SLC39A8: variants seen among roughly 807,000 people sequenced by gnomAD.
SLC39A8 encodes metal cation symporter ZIP8.
Under a neutral mutation model 40.4 loss-of-function variants are expected in SLC39A8, and 15 were observed. The ratio of observed to expected loss-of-function variants is 0.37; its 90% CI spans 0.25 to 0.57. SLC39A8 has a LOEUF of 0.57. Ranked by LOEUF, SLC39A8 falls within the 20% of genes least tolerant of loss-of-function variation. SLC39A8 has a pLI of 0.75. For synonymous variants in SLC39A8, 223 were observed against 221.6 expected (o/e 1.01, Z -0.06); for missense variants, 472 against 558.8 (o/e 0.84, Z 1.57).
chr4:102,309,191 G>C (rs1050547830), intron 3 of SLC39A8, among the ~76,000 whole-genome samples: 3 of 151,854 alleles, frequency 2.0e-5, no homozygotes, highest in Non-Finnish European at 4.4e-5. Flanking sequence ...CCTAGATGAC[G>C]TGGACCAAAC....
downstream of SLC39A8, among the ~76,000 whole-genome samples, chr4:102,261,093 A>G (rs535247076): frequency 7.2e-5 from 11 of 152,134 alleles, no homozygotes; most frequent in South Asian, 8.3e-4. Context: ...TATGGAAGGC[A>G]AAGTATCAGT....
chr4:102,298,993 A>G (rs549352875), intron 6 of SLC39A8, among the ~76,000 whole-genome samples: 1 of 148,564 alleles, frequency 6.7e-6, no homozygotes, highest in East Asian at 2.0e-4. Context: ...GCCACCCCAA[A>G]TGATGACTGG....
At chr4:102,307,040 CA>C (rs1284724544) in intron 4 of SLC39A8, among the ~76,000 whole-genome samples, 1 of 151,984 alleles carries the variant, frequency 6.6e-6, no homozygotes, top group East Asian at 1.9e-4. Flanking sequence ...ATGTTAAATA[CA>C]TTATAAATTT....
chr4:102,269,818 T>C (rs964970262), intron 6 of SLC39A8: 1 of 152,212 alleles, frequency 6.6e-6, no homozygotes, highest in Non-Finnish European at 1.5e-5. Flanking sequence ...TGAGTAAGTA[T>C]CAAATCTTTT....
chr4:102,306,040 G>C (rs1734157629), intron 4 of SLC39A8, among the ~76,000 whole-genome samples: 1 of 151,954 alleles, frequency 6.6e-6, no homozygotes, highest in East Asian at 1.9e-4. Flanking sequence ...AAATATAAAT[G>C]TTCCATTTAC....
At chr4:102,278,702 C>T (rs1453997315) in intron 6 of SLC39A8, among the ~76,000 whole-genome samples, 2 of 152,118 alleles carry the variant, frequency 1.3e-5, no homozygotes, top group Admixed American at 1.3e-4. Context: ...ATGTTTACTG[C>T]TGCACTATTT....
intron 2 of SLC39A8, among the ~76,000 whole-genome samples, chr4:102,343,950 T>C (rs927728673): frequency 1.3e-5 from 2 of 152,214 alleles, no homozygotes; most frequent in Non-Finnish European, 2.9e-5. Flanking sequence ...GAATGCCTCA[T>C]GTAATGTACA....
chr4:102,319,254 G>A (rs1351352865), intron 2 of SLC39A8, among the ~76,000 whole-genome samples: 1 of 152,158 alleles, frequency 6.6e-6, no homozygotes, highest in Non-Finnish European at 1.5e-5. Flanking sequence ...TGGGGGGCTG[G>A]TTCAGAGAGA....
intron 8 of SLC39A8, among the ~76,000 whole-genome samples, chr4:102,264,977 T>C (rs540709237): frequency 2.2e-4 from 34 of 152,378 alleles, no homozygotes; most frequent in African/African-American, 7.9e-4. Context: ...CCATACCACG[T>C]AAATTTTATT....
intron 3 of SLC39A8, among the ~76,000 whole-genome samples, chr4:102,311,192 C>A (rs1314100233): frequency 2.0e-5 from 3 of 152,068 alleles, no homozygotes; most frequent in Non-Finnish European, 4.4e-5. Context: ...TCCTTGACTT[C>A]CCTAAGTTTC....
rs145363754 is a variant in SLC39A8 at position 102,336,478 on chromosome 4, G to T, written c.219+7966C>A. Reference sequence around the variant, plus strand: ...ACAATTATGGTTTATTTTTTAATTAGGTTCAAAGAACTAAAGACTTAGAGG... The same window carrying T: ...ACAATTATGGTTTATTTTTTAATTATGTTCAAAGAACTAAAGACTTAGAGG... On this transcript the variant is annotated intron_variant, in intron 2 of 8. Coordinates refer to ENST00000356736, the MANE Select transcript of SLC39A8 (RefSeq NM_001135146.2). Among the ~76,000 whole-genome samples the T allele has an allele frequency of 2.9e-3, 444 of 152,174 alleles. 4 individuals are homozygous for T. The highest frequency in any genetic ancestry group is 0.01 in the African/African-American group (433 of 41,516).
At chr4:102,274,065 A>T (rs1732497280) in intron 6 of SLC39A8, among the ~76,000 whole-genome samples, 1 of 152,206 alleles carries the variant, frequency 6.6e-6, no homozygotes, top group African/African-American at 2.4e-5. Flanking sequence ...ACAACTCCTC[A>T]CCAGCAAGGG....
intron 6 of SLC39A8, among the ~76,000 whole-genome samples, chr4:102,280,181 C>T (rs1029319385): frequency 5.9e-5 from 9 of 152,226 alleles, no homozygotes; most frequent in South Asian, 2.1e-4. Context: ...TAGCTCCTTT[C>T]AAGTTCTAGA....
chr4:102,304,309 A>C lies in SLC39A8; in HGVS notation c.840+8T>G. 6.2e-7 allele frequency: 1 copy of C among 1,603,624 alleles called. No individual in the cohort carries two copies. Among genetic ancestry groups the C allele is most frequent in the East Asian group, 2.2e-5 (1 of 44,654 alleles). Reference sequence around the variant, plus strand: ...GTATAATGAAGGAAAAATGGAATTAACATATACCTGTAGAGATACCACACT... The same window carrying C: ...GTATAATGAAGGAAAAATGGAATTACCATATACCTGTAGAGATACCACACT... On this transcript the variant is annotated splice_region_variant and intron_variant, in intron 6 of 8. Transcript: ENST00000356736.
At chr4:102,309,443 T>G (rs973956954) in intron 3 of SLC39A8, among the ~76,000 whole-genome samples, 4 of 152,064 alleles carry the variant, frequency 2.6e-5, no homozygotes, top group African/African-American at 9.7e-5. Context: ...CATTCCCATT[T>G]ATTACCTTAT....
chr4:102,282,963 T>G (rs1732970381), intron 6 of SLC39A8, among the ~76,000 whole-genome samples: 1 of 152,138 alleles, frequency 6.6e-6, no homozygotes, highest in Admixed American at 6.5e-5. Context: ...CTTGACCTCA[T>G]GATCCACCTG....
chr4:102,314,505 C>T (rs1734575918), intron 3 of SLC39A8, among the ~76,000 whole-genome samples: 1 of 152,108 alleles, frequency 6.6e-6, no homozygotes. Flanking sequence ...CACCTGGTCT[C>T]CATCTCCCGC....
Position 102,262,913 on chromosome 4 carries a change from A to G in SLC39A8, c.*131T>C, listed in dbSNP as rs2149001323. ...ACTATTTCACAGACTGATGCCAATA[A>G]TTAGTTTTCTGGACCTACAGTTGAA... On this transcript the variant is annotated 3_prime_UTR_variant, in exon 9 of 9. Transcript: ENST00000356736. The G allele has an allele frequency of 2.1e-6, 3 of 1,415,136 alleles. No individual in the cohort carries two copies. The highest frequency in any genetic ancestry group is 2.8e-6 in the Non-Finnish European group (3 of 1,088,028). The allele number at this position is 1,415,136 out of a possible 1,614,324, so 87.7% of individuals were successfully genotyped here.
intron 2 of SLC39A8, among the ~76,000 whole-genome samples, chr4:102,325,673 A>AT (rs905509174): frequency 2.0e-5 from 3 of 151,858 alleles, no homozygotes; most frequent in East Asian, 3.9e-4. Context: ...GTGTGGTTTT[A>AT]TTTTTTTTCC....
Sources: allele counts gnomAD v4.1 joint callset (sites outside exome capture counted in the v4.1 genomes callset), GRCh38; gene constraint gnomAD v4.1.1; transcripts MANE v1.5; gene names NCBI Gene and HGNC (gene_info 2026-07-23, HGNC 2026-07-21).